PRKN: variants seen among roughly 807,000 people sequenced by gnomAD.
PRKN encodes E3 ubiquitin-protein ligase parkin.
Under a neutral mutation model 59.5 loss-of-function variants are expected in PRKN, and 56 were observed. The observed-to-expected ratio is 0.94, with a 90% confidence interval of 0.76 to 1.18. The LOEUF is 1.18. Among genes scored for constraint, PRKN ranks in the 50% most tolerant of loss-of-function variants. PRKN has a pLI of 0.00. For missense variants in PRKN, 657 were observed against 596.4 expected, an observed-to-expected ratio of 1.10 and a Z score of -1.06; for synonymous variants, 250 against 222.1, an observed-to-expected ratio of 1.13 and a Z score of -1.12.
At chr6:162,666,346 C>T (rs1779102980) in intron 1 of PRKN, among the ~76,000 whole-genome samples, 2 of 151,810 alleles carry the variant, frequency 1.3e-5, no homozygotes, top group African/African-American at 4.8e-5. Context: ...ATAAGTAAAT[C>T]TGCAAAGAAG....
intron 3 of PRKN, among the ~76,000 whole-genome samples, chr6:162,212,610 C>T (rs1459912193): frequency 6.6e-6 from 1 of 152,126 alleles, no homozygotes; most frequent in Non-Finnish European, 1.5e-5. Flanking sequence ...AAAAGGTAAA[C>T]TTAGAGAAAT....
intron 5 of PRKN, among the ~76,000 whole-genome samples, chr6:162,023,832 G>T (rs543414412): frequency 2.6e-5 from 4 of 152,196 alleles, no homozygotes; most frequent in African/African-American, 9.6e-5. Flanking sequence ...CTATCATTTA[G>T]AAGGACCATA....
intron 9 of PRKN, among the ~76,000 whole-genome samples, chr6:161,387,826 G>A (rs914425670): frequency 6.6e-6 from 1 of 152,198 alleles, no homozygotes; most frequent in Non-Finnish European, 1.5e-5. Flanking sequence ...GGAAGATGAG[G>A]TTGTTAGGGG....
intron 2 of PRKN, among the ~76,000 whole-genome samples, chr6:162,383,965 C>G (rs973607587): frequency 6.6e-6 from 1 of 152,160 alleles, no homozygotes; most frequent in South Asian, 2.1e-4. Flanking sequence ...TCTTCCTCAC[C>G]TCTCTCAGCC....
At position 161,371,357 on chromosome 6, in the gene PRKN, GT is replaced by G. The variant is rs913769827; in HGVS notation, c.1168-11153del. ...TTGGGAGGCTGAGGGAGGAGACGGA[GT>G]TTCACCATGTTGGCCAGGCTAGTTT... On this transcript the variant is annotated intron_variant, in intron 10 of 11. Transcript: ENST00000366898. The surrounding 1 kb of genome is among the most constrained non-coding windows in gnomAD (Gnocchi z 5.5). 1.2e-4 allele frequency among the ~76,000 whole-genome samples: 18 copies of G among 151,990 alleles called. No homozygotes were observed. Among genetic ancestry groups the G allele is most frequent in the Non-Finnish European group, 2.6e-4 (18 of 67,966 alleles).
intron 2 of PRKN, among the ~76,000 whole-genome samples, chr6:162,338,316 G>A (rs538662307): frequency 3.9e-5 from 6 of 152,170 alleles, no homozygotes; most frequent in Admixed American, 2.0e-4. Context: ...ATGCGGAGCC[G>A]AAGCTGGACT....
intron 7 of PRKN, among the ~76,000 whole-genome samples, chr6:161,765,663 T>C (rs1789394935): frequency 6.6e-6 from 1 of 152,126 alleles, no homozygotes; most frequent in South Asian, 2.1e-4. Context: ...AAATAAAGTG[T>C]GATGATGGTG....
intron 6 of PRKN, among the ~76,000 whole-genome samples, chr6:161,930,258 T>C (rs964430699): frequency 2.0e-5 from 3 of 152,190 alleles, no homozygotes; most frequent in Non-Finnish European, 4.4e-5. Context: ...CCTAAAAAAA[T>C]TTATAAGTTA....
At chr6:162,287,414 A>G (rs1781241141) in intron 2 of PRKN, among the ~76,000 whole-genome samples, 1 of 152,096 alleles carries the variant, frequency 6.6e-6, no homozygotes, top group Admixed American at 6.5e-5. Context: ...AAAAAAATAT[A>G]AAAATCAGCT....
In PRKN at chr6:161,548,727, T is replaced by C. The variant is rs1460227315; in HGVS notation, c.1083+127A>G. 2.4e-6 allele frequency: 2 copies of C among 848,100 alleles called. No homozygotes were observed. Among genetic ancestry groups the C allele is most frequent in the Non-Finnish European group, 3.8e-6 (2 of 525,328 alleles). 52.5% of individuals were successfully genotyped at this position (848,100 alleles called of 1,614,324 possible). ...AAGGAATTTAAAATCTATTTTCTTATATGTAAGTTCAAAGATGTCTAAGTC... is the reference window on the plus strand; with the variant it reads ...AAGGAATTTAAAATCTATTTTCTTACATGTAAGTTCAAAGATGTCTAAGTC... On this transcript the variant is annotated intron_variant, in intron 9 of 11. Coordinates refer to ENST00000366898, the MANE Select transcript of PRKN (RefSeq NM_004562.3). The surrounding 1 kb of genome is among the most constrained non-coding windows in gnomAD (Gnocchi z 4.2).
At chr6:162,441,326 A>C (rs1374140163) in intron 2 of PRKN, among the ~76,000 whole-genome samples, 1 of 152,028 alleles carries the variant, frequency 6.6e-6, no homozygotes, top group Non-Finnish European at 1.5e-5. Context: ...TTTTTGTCCA[A>C]TCTTCAACAT....
chr6:161,988,120 C>T (rs1051075526), intron 5 of PRKN, among the ~76,000 whole-genome samples: 3 of 152,128 alleles, frequency 2.0e-5, no homozygotes, highest in Non-Finnish European at 4.4e-5. Context: ...TTGGTGGCCC[C>T]GGCCTTCCAT....
At chr6:162,290,715 C>T (rs563121127) in intron 2 of PRKN, among the ~76,000 whole-genome samples, 1 of 152,266 alleles carries the variant, frequency 6.6e-6, no homozygotes, top group Admixed American at 6.5e-5. Flanking sequence ...TCATTAATGG[C>T]AATTTCCTCT....
intron 7 of PRKN, among the ~76,000 whole-genome samples, chr6:161,664,886 T>A (rs1293913281): frequency 6.6e-6 from 1 of 151,746 alleles, no homozygotes; most frequent in Non-Finnish European, 1.5e-5. Context: ...GCTCCCAGGT[T>A]CAAGCGATTC....
intron 2 of PRKN, among the ~76,000 whole-genome samples, chr6:162,314,716 C>A (rs900662266): frequency 6.6e-6 from 1 of 152,188 alleles, no homozygotes; most frequent in Non-Finnish European, 1.5e-5. Flanking sequence ...ACCCAACGAA[C>A]AGTTCATTCA....
intron 6 of PRKN, among the ~76,000 whole-genome samples, chr6:161,949,743 T>C (rs895150407): frequency 6.6e-6 from 1 of 152,256 alleles, no homozygotes; most frequent in South Asian, 2.1e-4. Context: ...ACTAACCACC[T>C]CCTCTGCATG....
intron 1 of PRKN, among the ~76,000 whole-genome samples, chr6:162,450,228 C>T (rs577228600): frequency 5.9e-5 from 9 of 152,250 alleles, no homozygotes; most frequent in South Asian, 2.1e-4. Context: ...GTATAATGCC[C>T]CTGTGACAGT....
At chr6:162,418,146 A>C (rs1788740687) in intron 2 of PRKN, among the ~76,000 whole-genome samples, 1 of 152,242 alleles carries the variant, frequency 6.6e-6, no homozygotes, top group Non-Finnish European at 1.5e-5. Context: ...AAAATATGGT[A>C]CATACATACA....
chr6:162,165,251 C>A (rs1051776199), intron 4 of PRKN, among the ~76,000 whole-genome samples: 2 of 148,836 alleles, frequency 1.3e-5, no homozygotes, highest in African/African-American at 2.5e-5. Context: ...GAGAATATTT[C>A]ATGAGTTGGG....
Sources: allele counts gnomAD v4.1 joint callset (sites outside exome capture counted in the v4.1 genomes callset), GRCh38; gene constraint gnomAD v4.1.1; non-coding constraint Gnocchi (gnomAD v3.1); transcripts MANE v1.5; gene names NCBI Gene and HGNC (gene_info 2026-07-23, HGNC 2026-07-21).